The following ERBB4 variants were observed in gnomAD, a reference collection of about 807,000 sequenced individuals.
The protein encoded by ERBB4 is receptor tyrosine-protein kinase erbB-4.
A neutral mutation model predicts 158.0 loss-of-function variants in ERBB4; 42 were observed. That is an observed-to-expected ratio of 0.27 (90% CI 0.21 to 0.34). The LOEUF is 0.34. Ranked by LOEUF, ERBB4 falls within the 10% of genes least tolerant of loss-of-function variation. ERBB4 has a pLI of 1.00. For synonymous variants in ERBB4, 583 were observed against 558.7 expected, an observed-to-expected ratio of 1.04 and a Z score of -0.61; for missense variants, 1,333 against 1,624.1, an observed-to-expected ratio of 0.82 and a Z score of 3.08.
intron 16 of ERBB4, among the ~76,000 whole-genome samples, chr2:211,655,998 G>C (rs538270034): frequency 6.6e-6 from 1 of 152,248 alleles, no homozygotes; most frequent in East Asian, 1.9e-4. Context: ...TATGAATGAA[G>C]AAATTATGAC....
At chr2:211,535,432 C>T (rs994715070) in intron 20 of ERBB4, among the ~76,000 whole-genome samples, 4 of 151,780 alleles carry the variant, frequency 2.6e-5, no homozygotes, top group African/African-American at 7.3e-5. Context: ...TCTTAGGTAC[C>T]AGCATTAGGT....
intron 19 of ERBB4, among the ~76,000 whole-genome samples, chr2:211,601,701 AG>A (rs2068806322): frequency 6.6e-6 from 1 of 152,154 alleles, no homozygotes; most frequent in South Asian, 2.1e-4. Context: ...TTTCATACCC[AG>A]GCAAACTATC....
At chr2:211,862,170 A>G (rs943326050) in intron 3 of ERBB4, among the ~76,000 whole-genome samples, 6 of 152,178 alleles carry the variant, frequency 3.9e-5, no homozygotes, top group African/African-American at 1.4e-4. Context: ...AATAATCATT[A>G]GATCTAGCAA....
At chr2:212,226,412 G>GA (rs977134010) in intron 1 of ERBB4, among the ~76,000 whole-genome samples, 1 of 151,368 alleles carries the variant, frequency 6.6e-6, no homozygotes, top group African/African-American at 2.4e-5. Flanking sequence ...TAAAGACATG[G>GA]GGGGGGGTTT....
intron 16 of ERBB4, among the ~76,000 whole-genome samples, chr2:211,638,610 G>A (rs767474253): frequency 2.6e-5 from 4 of 152,084 alleles, no homozygotes; most frequent in South Asian, 2.1e-4. Flanking sequence ...GAATCAGAAC[G>A]TACTGTCCCC....
At chr2:212,078,232 C>T (rs1013536800) in intron 2 of ERBB4, among the ~76,000 whole-genome samples, 3 of 151,836 alleles carry the variant, frequency 2.0e-5, no homozygotes, top group Admixed American at 6.6e-5. Flanking sequence ...TCACTTTAAC[C>T]TTGCTTTTAG....
chr2:211,682,154 C>T (rs1038230249), intron 12 of ERBB4, among the ~76,000 whole-genome samples: 1 of 151,192 alleles, frequency 6.6e-6, no homozygotes, highest in East Asian at 1.9e-4. Flanking sequence ...AAGCTGGAGA[C>T]CTATGGAAGC....
At chr2:212,086,662 G>T (rs1485709755) in intron 2 of ERBB4, among the ~76,000 whole-genome samples, 2 of 151,832 alleles carry the variant, frequency 1.3e-5, no homozygotes, top group Admixed American at 6.6e-5. Flanking sequence ...ATATTATCAG[G>T]GTCTTAATTT....
intron 3 of ERBB4, among the ~76,000 whole-genome samples, chr2:211,857,905 C>T (rs2077912400): frequency 1.3e-5 from 2 of 152,256 alleles, no homozygotes; most frequent in South Asian, 4.2e-4. Context: ...GTAAGGATCT[C>T]ACAACAATAA....
At chr2:211,420,368 T>A in intron 25 of ERBB4, 73 bp downstream of exon 25, 2 of 1,050,440 alleles carry the variant, frequency 1.9e-6, no homozygotes, top group East Asian at 5.1e-5. Flanking sequence ...TTTTGAAATG[T>A]TAGTGCTTAT....
chr2:212,108,306 G>A (rs986414320), intron 2 of ERBB4, among the ~76,000 whole-genome samples: 4 of 152,156 alleles, frequency 2.6e-5, no homozygotes, highest in Non-Finnish European at 4.4e-5. Flanking sequence ...AAAACTATTC[G>A]TGAAGATCAG....
At chr2:212,259,468 T>C (rs1323646145) in intron 1 of ERBB4, among the ~76,000 whole-genome samples, 1 of 152,164 alleles carries the variant, frequency 6.6e-6, no homozygotes, top group Non-Finnish European at 1.5e-5. Context: ...GTCAACCATG[T>C]GAATACATTT....
At chr2:211,905,647 C>CAT (rs56758130) in intron 3 of ERBB4, among the ~76,000 whole-genome samples, 9,313 of 70,964 alleles carry the variant, frequency 0.13, 675 homozygotes, top group Admixed American at 0.16. Flanking sequence ...TAGGAAGGAT[C>CAT]ATATATATAT....
intron 20 of ERBB4, among the ~76,000 whole-genome samples, chr2:211,481,966 A>C (rs2065093859): frequency 6.6e-6 from 1 of 152,198 alleles, no homozygotes; most frequent in South Asian, 2.1e-4. Context: ...ATAAGCCACA[A>C]GATTGCTCCA....
chr2:211,758,025 C>A (rs1440858292), intron 4 of ERBB4, among the ~76,000 whole-genome samples: 1 of 152,122 alleles, frequency 6.6e-6, no homozygotes, highest in Admixed American at 6.5e-5. Flanking sequence ...AGAGCAACAC[C>A]ATTTTACAGT....
At chr2:211,658,237 ACTTC>A (rs2071291500) in intron 15 of ERBB4, among the ~76,000 whole-genome samples, 3 of 152,228 alleles carry the variant, frequency 2.0e-5, no homozygotes, top group Admixed American at 2.0e-4. Context: ...TCTGTGAATA[ACTTC>A]CAAACGCACA....
intron 5 of ERBB4, among the ~76,000 whole-genome samples, chr2:211,727,297 T>C (rs1474460391): frequency 6.6e-6 from 1 of 152,164 alleles, no homozygotes; most frequent in Admixed American, 6.6e-5. Flanking sequence ...TTAACAGTGC[T>C]CATCAACTTA....
chr2:212,461,592 T>C (rs1355605452), intron 1 of ERBB4, among the ~76,000 whole-genome samples: 3 of 152,150 alleles, frequency 2.0e-5, no homozygotes, highest in African/African-American at 7.2e-5. Flanking sequence ...TTGTCTCAGA[T>C]GAGACATTGG....
At chr2:212,213,781 C>T (rs1344828528) in intron 1 of ERBB4, among the ~76,000 whole-genome samples, 1 of 151,834 alleles carries the variant, frequency 6.6e-6, no homozygotes, top group African/African-American at 2.4e-5. Context: ...TCCATAACCA[C>T]TCTTACCAAG....
Sources: gnomAD v4.1 joint callset for allele counts (sites outside exome capture counted in the v4.1 genomes callset) on GRCh38, gnomAD v4.1.1 for gene constraint, MANE v1.5 for transcripts, NCBI Gene and HGNC (gene_info 2026-07-23, HGNC 2026-07-21) for gene names.